TSEN15: variants seen among roughly 807,000 people sequenced by gnomAD.
TSEN15 encodes tRNA splicing endonuclease subunit 15, also known as tRNA-splicing endonuclease subunit Sen15.
A neutral mutation model predicts 20.5 loss-of-function variants in TSEN15; 10 were observed. The ratio of observed to expected loss-of-function variants is 0.49; its 90% CI spans 0.30 to 0.83. The LOEUF (loss-of-function observed/expected upper bound fraction) is 0.83. Ranked by LOEUF, TSEN15 falls within the 40% of genes least tolerant of loss-of-function variation. TSEN15 has a pLI of 0.06. For missense variants in TSEN15, 180 were observed against 218.6 expected (o/e 0.82, Z 1.11); for synonymous variants, 72 against 80.1 (o/e 0.90, Z 0.54).
At chr1:184,071,649 CATTA>C (rs1229669326) in intron 3 of TSEN15, among the ~76,000 whole-genome samples, 1 of 151,452 alleles carries the variant, frequency 6.6e-6, no homozygotes, top group Non-Finnish European at 1.5e-5. Flanking sequence ...AAAAAAAATA[CATTA>C]ATTAAAATGG....
downstream of TSEN15, among the ~76,000 whole-genome samples, chr1:184,076,489 C>T (rs946433811): frequency 2.0e-5 from 3 of 152,028 alleles, no homozygotes; most frequent in Non-Finnish European, 4.4e-5. Flanking sequence ...TGAAATTAGG[C>T]CAATTAATAA....
At chr1:184,070,538 T>C (rs544343347) in intron 3 of TSEN15, 2 of 559,858 alleles carry the variant, frequency 3.6e-6, no homozygotes, top group African/African-American at 3.9e-5. Flanking sequence ...GTTTCTTCTT[T>C]GCCATCTTTG....
intron 1 of TSEN15, 100 bp downstream of exon 1, chr1:184,051,990 G>A: frequency 8.2e-7 from 1 of 1,218,068 alleles, no homozygotes; most frequent in Non-Finnish European, 1.1e-6. Flanking sequence ...GGGAGACTGA[G>A]GACGCGCGCC....
exon 4 of TSEN15, chr1:184,095,918 C>A: frequency 2.5e-6 from 1 of 394,520 alleles, no homozygotes; most frequent in Non-Finnish European, 4.5e-6. Context: ...GCAGCAGGCA[C>A]AAGGTAGAGA....
intron 3 of TSEN15, among the ~76,000 whole-genome samples, chr1:184,091,984 G>T (rs1038790789): frequency 6.6e-6 from 1 of 152,180 alleles, no homozygotes; most frequent in African/African-American, 2.4e-5. Flanking sequence ...ATGGTGGGTG[G>T]CACAGACACT....
chr1:184,082,603 T>C (rs1651190069), intron 3 of TSEN15, among the ~76,000 whole-genome samples: 2 of 152,086 alleles, frequency 1.3e-5, no homozygotes, highest in Non-Finnish European at 2.9e-5. Flanking sequence ...CCAGCAACTT[T>C]TGGGGTCAGA....
At chr1:184,093,855 C>T (rs371994616) in intron 3 of TSEN15, 12 of 152,222 alleles carry the variant, frequency 7.9e-5, no homozygotes, top group South Asian at 2.1e-4. Context: ...CCTTGATCTG[C>T]GACTTCAAAT....
intron 3 of TSEN15, among the ~76,000 whole-genome samples, chr1:184,062,607 T>C (rs1650506990): frequency 6.6e-6 from 1 of 152,122 alleles, no homozygotes; most frequent in Admixed American, 6.6e-5. Context: ...ATTAGGATAA[T>C]AGTATTACAA....
chr1:184,096,934 C>G (rs1476524584), exon 4 of TSEN15: 1 of 152,194 alleles, frequency 6.6e-6, no homozygotes, highest in African/African-American at 2.4e-5. Context: ...GGTGGGGACA[C>G]AGCCAAACCA....
intron 3 of TSEN15, among the ~76,000 whole-genome samples, chr1:184,087,240 A>C (rs1651278164): frequency 6.6e-6 from 1 of 152,230 alleles, no homozygotes; most frequent in South Asian, 2.1e-4. Flanking sequence ...TATATATGCA[A>C]ATATTTTCAT....
chr1:184,088,996 C>A (rs1651312144), intron 3 of TSEN15, among the ~76,000 whole-genome samples: 1 of 152,172 alleles, frequency 6.6e-6, no homozygotes, highest in Non-Finnish European at 1.5e-5. Context: ...TGTGAGTGTA[C>A]ACAGCAAATG....
At chr1:184,078,608 A>G (rs1651107160), downstream of TSEN15, among the ~76,000 whole-genome samples, 2 of 152,206 alleles carry the variant, frequency 1.3e-5, no homozygotes, top group East Asian at 1.9e-4. Flanking sequence ...GCTAGGTCCT[A>G]TGGCTCCAGA....
At position 184,071,691 on chromosome 1, in the gene TSEN15, AAAG is replaced by A. The variant is rs1344365803; in HGVS notation, c.354-462_354-460del. 5.9e-5 allele frequency among the ~76,000 whole-genome samples: 9 copies of A among 152,120 alleles called. No homozygotes were observed. The South Asian group carries it at 1.7e-3, about 28-fold the overall frequency. On this transcript the variant is annotated intron_variant, in intron 3 of 4. Coordinates refer to ENST00000645668, the MANE Select transcript of TSEN15 (RefSeq NM_052965.4). ...TACTAGAAAATACCTATTTAATAGAAAAGAAGGTGATAAAGGAGGGTGAGAGGA... is the reference window on the plus strand; with the variant it reads ...TACTAGAAAATACCTATTTAATAGAAAAGGTGATAAAGGAGGGTGAGAGGA...
intron 3 of TSEN15, among the ~76,000 whole-genome samples, chr1:184,093,173 A>G (rs1466438383): frequency 6.6e-6 from 1 of 152,198 alleles, no homozygotes; most frequent in African/African-American, 2.4e-5. Flanking sequence ...TAGGCAGCAA[A>G]AAGAGATGAT....
chr1:184,088,978 T>C (rs74131437), intron 3 of TSEN15, among the ~76,000 whole-genome samples: 17,112 of 152,200 alleles, frequency 0.11, 2,048 homozygotes, highest in African/African-American at 0.3. Context: ...GATAATACAC[T>C]GGAGTGATGT....
At chr1:184,060,636 C>A (rs1650418236) in intron 3 of TSEN15, among the ~76,000 whole-genome samples, 1 of 152,200 alleles carries the variant, frequency 6.6e-6, no homozygotes, top group African/African-American at 2.4e-5. Context: ...TTCATTAAAT[C>A]AGCACCAAAA....
chr1:184,072,789 A>T (rs1417814345), intron 4 of TSEN15, 38 bp from the exon 5 acceptor site: 1 of 1,582,140 alleles, frequency 6.3e-7, no homozygotes, highest in South Asian at 1.2e-5. Flanking sequence ...TACATTGTTT[A>T]TCGGAGAAAA....
intron 3 of TSEN15, among the ~76,000 whole-genome samples, chr1:184,057,695 A>G (rs1431660060): frequency 5.3e-5 from 8 of 152,192 alleles, no homozygotes; most frequent in Admixed American, 5.2e-4. Context: ...TCATAAAGCC[A>G]TATTAAACTA....
At chr1:184,084,798 T>G (rs1016902989) in intron 3 of TSEN15, among the ~76,000 whole-genome samples, 2 of 151,852 alleles carry the variant, frequency 1.3e-5, no homozygotes, top group Non-Finnish European at 2.9e-5. Context: ...TCTAATCACC[T>G]CTTAAATATC....
Sources: allele counts gnomAD v4.1 joint callset (sites outside exome capture counted in the v4.1 genomes callset), GRCh38; gene constraint gnomAD v4.1.1; transcripts MANE v1.5; gene names NCBI Gene and HGNC (gene_info 2026-07-23, HGNC 2026-07-21).